MARCHF1: variants seen among roughly 807,000 people sequenced by gnomAD.
MARCHF1 encodes E3 ubiquitin-protein ligase MARCHF1.
In MARCHF1, 40 loss-of-function variants were observed where a neutral mutation model predicts 54.2. That is an observed-to-expected ratio of 0.74 (90% CI 0.57 to 0.96). The LOEUF is 0.96. MARCHF1 is among the 40% of genes least tolerant of loss of function. The pLI is 0.00. For missense variants in MARCHF1, 586 were observed against 656.5 expected (o/e 0.89, Z 1.17); for synonymous variants, 236 against 236.3 (o/e 1.00, Z 0.01).
At chr4:164,097,064 A>G (rs1293218587) in intron 2 of MARCHF1, among the ~76,000 whole-genome samples, 1 of 152,198 alleles carries the variant, frequency 6.6e-6, no homozygotes, top group Non-Finnish European at 1.5e-5. Flanking sequence ...TTAAGACTTT[A>G]AAAACTGTAG....
At chr4:164,008,349 T>A (rs1165859974) in intron 2 of MARCHF1, among the ~76,000 whole-genome samples, 2 of 151,990 alleles carry the variant, frequency 1.3e-5, no homozygotes, top group Non-Finnish European at 2.9e-5. Flanking sequence ...CATGAACAGA[T>A]CTAAAGGGAG....
intron 7 of MARCHF1, among the ~76,000 whole-genome samples, chr4:163,587,801 G>A (rs1216802377): frequency 6.6e-6 from 1 of 152,112 alleles, no homozygotes; most frequent in African/African-American, 2.4e-5. Flanking sequence ...AATGTGCAAT[G>A]TAACATTTAA....
chr4:164,325,687 A>G (rs1323808619), intron 1 of MARCHF1, among the ~76,000 whole-genome samples: 3 of 152,004 alleles, frequency 2.0e-5, no homozygotes, highest in African/African-American at 7.2e-5. Flanking sequence ...CAAGATCGCC[A>G]CTGTACTCCA....
At chr4:164,331,353 A>G (rs1375181186) in intron 1 of MARCHF1, among the ~76,000 whole-genome samples, 1 of 152,210 alleles carries the variant, frequency 6.6e-6, no homozygotes, top group East Asian at 1.9e-4. Context: ...GGCGAGTTAA[A>G]GTATTCTTTC....
At chr4:163,580,655 C>A (rs947425210) in intron 8 of MARCHF1, among the ~76,000 whole-genome samples, 8 of 152,038 alleles carry the variant, frequency 5.3e-5, no homozygotes, top group Non-Finnish European at 7.4e-5. Flanking sequence ...AATTGGTGTG[C>A]ATATAATGAT....
intron 2 of MARCHF1, among the ~76,000 whole-genome samples, chr4:164,039,560 T>C (rs1459184300): frequency 6.6e-6 from 1 of 152,154 alleles, no homozygotes; most frequent in African/African-American, 2.4e-5. Flanking sequence ...ACCTATTCAT[T>C]GGAAGTTGCA....
Position 164,012,844 on chromosome 4 carries a change from C to T in MARCHF1, c.-247-24135G>A, listed in dbSNP as rs140086433. Among the ~76,000 whole-genome samples, 342 of 152,220 alleles carry T rather than the reference C, an allele frequency of 2.2e-3. 2 individuals carry two copies. The highest frequency in any genetic ancestry group is 7.9e-3 in the African/African-American group (330 of 41,542). On this transcript the variant is annotated intron_variant, in intron 2 of 9. Transcript: ENST00000514618. ...CCTGAGCTTATGGAGCCCCCTAGTGCGAAACAGTTGCCGTGACCACAGGCT... is the reference window on the plus strand; with the variant it reads ...CCTGAGCTTATGGAGCCCCCTAGTGTGAAACAGTTGCCGTGACCACAGGCT...
At chr4:164,244,011 G>A (rs1275388353) in intron 1 of MARCHF1, among the ~76,000 whole-genome samples, 1 of 152,106 alleles carries the variant, frequency 6.6e-6, no homozygotes, top group Non-Finnish European at 1.5e-5. Flanking sequence ...AATAATGGGA[G>A]ACTTTAACAC....
At chr4:163,875,540 T>G (rs1750269696) in intron 3 of MARCHF1, among the ~76,000 whole-genome samples, 1 of 152,162 alleles carries the variant, frequency 6.6e-6, no homozygotes, top group Non-Finnish European at 1.5e-5. Context: ...CAACTTGCCC[T>G]ATCTTGCTCG....
At chr4:164,154,568 A>C (rs62350049) in intron 1 of MARCHF1, among the ~76,000 whole-genome samples, 3,077 of 152,292 alleles carry the variant, frequency 0.02, 59 homozygotes, top group South Asian at 0.064. Context: ...TTCAGCCACC[A>C]CAAGCTCAAA....
chr4:163,727,613 A>T (rs199694237), intron 4 of MARCHF1, among the ~76,000 whole-genome samples: 6 of 146,876 alleles, frequency 4.1e-5, no homozygotes, highest in South Asian at 4.3e-4. Flanking sequence ...CCCTAAATTA[A>T]TTTTTTTTTT....
chr4:163,609,671 C>T (rs1253142129), intron 7 of MARCHF1, among the ~76,000 whole-genome samples: 1 of 150,316 alleles, frequency 6.7e-6, no homozygotes, highest in African/African-American at 2.5e-5. Flanking sequence ...TATTTATATA[C>T]ACACACATAT....
At chr4:164,001,413 C>G (rs1753184377) in intron 2 of MARCHF1, among the ~76,000 whole-genome samples, 1 of 151,672 alleles carries the variant, frequency 6.6e-6, no homozygotes, top group Admixed American at 6.6e-5. Context: ...ATAAATAGCA[C>G]AGGAAAGGAA....
At chr4:163,987,428 A>G (rs1023275272) in intron 3 of MARCHF1, among the ~76,000 whole-genome samples, 12 of 152,126 alleles carry the variant, frequency 7.9e-5, no homozygotes, top group Admixed American at 6.6e-4. Flanking sequence ...CTGCAAATAT[A>G]TTTTCTCATT....
At chr4:163,667,267 A>C (rs1406500585) in intron 5 of MARCHF1, among the ~76,000 whole-genome samples, 13 of 152,124 alleles carry the variant, frequency 8.5e-5, no homozygotes, top group Admixed American at 8.5e-4. Flanking sequence ...AAATGACTCA[A>C]GCTGCATTCT....
intron 1 of MARCHF1, among the ~76,000 whole-genome samples, chr4:164,205,097 A>G (rs1731568024): frequency 6.6e-6 from 1 of 152,146 alleles, no homozygotes; most frequent in Admixed American, 6.5e-5. Flanking sequence ...GTTTAAATCT[A>G]CTATTCTTAT....
At chr4:164,350,147 G>A (rs150407623) in intron 1 of MARCHF1, among the ~76,000 whole-genome samples, 3 of 152,254 alleles carry the variant, frequency 2.0e-5, no homozygotes, top group Non-Finnish European at 4.4e-5. Context: ...AGAAAAAGAT[G>A]CTTTACTCTC....
At chr4:164,058,314 T>A (rs1321013916) in intron 2 of MARCHF1, among the ~76,000 whole-genome samples, 5 of 152,166 alleles carry the variant, frequency 3.3e-5, no homozygotes, top group Admixed American at 3.3e-4. Context: ...CAACATATCC[T>A]CTGAAAGCCA....
intron 5 of MARCHF1, among the ~76,000 whole-genome samples, chr4:163,628,589 G>A (rs1475667146): frequency 6.6e-6 from 1 of 152,186 alleles, no homozygotes; most frequent in African/African-American, 2.4e-5. Flanking sequence ...ATTCAAACAG[G>A]AAGAGAGGAA....
Sources: gnomAD v4.1 joint callset for allele counts (sites outside exome capture counted in the v4.1 genomes callset) on GRCh38, gnomAD v4.1.1 for gene constraint, MANE v1.5 for transcripts, NCBI Gene and HGNC (gene_info 2026-07-23, HGNC 2026-07-21) for gene names.